The following SPATA20 variants were observed in gnomAD, a reference collection of about 807,000 sequenced individuals.
SPATA20 encodes the protein spermatogenesis associated 20.
A neutral mutation model predicts 98.9 loss-of-function variants in SPATA20; 74 were observed. That is an observed-to-expected ratio of 0.75 (90% CI 0.62 to 0.91). SPATA20 has a LOEUF of 0.91. Among genes scored for constraint, SPATA20 ranks in the 40% least tolerant of loss-of-function variants. The probability of loss-of-function intolerance (pLI) is 0.00; values close to 1 mark genes in which losing one functional copy is unlikely to be tolerated. For missense variants in SPATA20, 1,016 were observed against 1,069.8 expected, an observed-to-expected ratio of 0.95 and a Z score of 0.70; for synonymous variants, 430 against 440.5, an observed-to-expected ratio of 0.98 and a Z score of 0.30.
intron 14 of SPATA20, among the ~76,000 whole-genome samples, chr17:50,553,559 CTTT>C (rs553958151): frequency 7.1e-6 from 1 of 141,236 alleles, no homozygotes. Context: ...CGGAAGCCGT[CTTT>C]TTTTTTTTTT....
chr17:50,552,464 C>A (rs1429804139), intron 14 of SPATA20, among the ~76,000 whole-genome samples: 1 of 143,278 alleles, frequency 7.0e-6, no homozygotes, highest in Non-Finnish European at 1.5e-5. Context: ...CTACACTCAG[C>A]GTGTTTTGTT....
intron 2 of SPATA20, 32 bp downstream of exon 2, chr17:50,547,799 G>C (rs1311686580): frequency 1.2e-6 from 1 of 807,238 alleles, no homozygotes; most frequent in Non-Finnish European, 2.3e-6. Flanking sequence ...CCCCATGTCT[G>C]GTTTCCTCTG....
chr17:50,550,861 C>T lies in SPATA20; in HGVS notation c.1327C>T (p.Gln443Ter), dbSNP rs2035001627. ...TGCCACCGAGCCGCTGACCTCAGGC[C>T]AGCTCCTCATGAAGCACTACGGCCT... is the stretch of plus-strand genomic sequence containing the variant. The part of the protein sequence containing the change: ...LGATEPLTSG[Q>*]LLMKHYGLTE... Residue 443 changes from glutamine to a stop codon, truncating the protein, a stop_gained, in exon 11 of 17, where the codon CAG becomes TAG. Transcript: ENST00000006658. LOFTEE classifies it high-confidence loss of function. 1.2e-6 allele frequency: 2 copies of T among 1,613,116 alleles called. No individual in the cohort carries two copies. The highest frequency in any genetic ancestry group is 8.5e-7 in the Non-Finnish European group (1 of 1,180,030).
At chr17:50,551,342 C>A in intron 12 of SPATA20, 152 bp downstream of exon 12, 1 of 1,159,874 alleles carries the variant, frequency 8.6e-7, no homozygotes. Context: ...AGTAACCCGC[C>A]CAAGGTCACG....
At position 50,551,999 on chromosome 17, in the gene SPATA20, C is replaced by T; in HGVS notation, c.1776C>T (p.Asp592=). ...CACCCTGCTGGGGCTTCCTGGAGGACTACGCCTTCGTGGTGCGGGGCCTGC... is the reference window on the plus strand; with the variant it reads ...CACCCTGCTGGGGCTTCCTGGAGGATTACGCCTTCGTGGTGCGGGGCCTGC... The part of the protein sequence containing the change: ...SNPPCWGFLE[D]YAFVVRGLLD... Residue 592 remains aspartate, a synonymous_variant, in exon 14 of 17, where the codon GAC becomes GAT. Coordinates refer to ENST00000006658, the MANE Select transcript of SPATA20 (RefSeq NM_022827.4). 6.2e-7 allele frequency: 1 copy of T among 1,610,718 alleles called. No homozygotes were observed. The highest frequency in any genetic ancestry group is 8.5e-7 in the Non-Finnish European group (1 of 1,178,576).
chr17:50,553,523 A>T (rs1346900392), intron 14 of SPATA20, among the ~76,000 whole-genome samples: 1 of 149,970 alleles, frequency 6.7e-6, no homozygotes, highest in East Asian at 2.0e-4. Context: ...GAGGGCACCG[A>T]GGAGAATGCT....
Position 50,551,147 on chromosome 17 carries a change from G to T in SPATA20, c.1533G>T (p.Arg511=). 6.3e-7 allele frequency: 1 copy of T among 1,578,134 alleles called. No individual in the cohort carries two copies. The highest frequency in any genetic ancestry group is 1.2e-5 in the South Asian group (1 of 82,606). ...LEKLFQARKH[R]PKPHLDSKML... Reference sequence around the variant, plus strand: ...AGCTCTTCCAGGCCCGGAAGCATCGGCCCAAGCCGCACCTGGACAGCAAGA... The same window carrying T: ...AGCTCTTCCAGGCCCGGAAGCATCGTCCCAAGCCGCACCTGGACAGCAAGA... The change falls in exon 12 of 17, where the codon CGG becomes CGT. Residue 511 remains arginine (R), a synonymous_variant. Transcript: ENST00000006658.
In SPATA20 at chr17:50,550,323, AC is replaced by A; in HGVS notation, c.1098+15del. The A allele has an allele frequency of 6.4e-7, 1 of 1,564,310 alleles. No individual in the cohort carries two copies. The highest frequency in any genetic ancestry group is 8.7e-7 in the Non-Finnish European group (1 of 1,149,542). On this transcript the variant is annotated intron_variant, in intron 9 of 16. Coordinates refer to ENST00000006658, the MANE Select transcript of SPATA20 (RefSeq NM_022827.4). ...TCGCAGGCCTTCCAGGTGACCCCTG[AC>A]CCCAGCCCAGAGAACAGGCATCTCA...
At chr17:50,551,776 C>T (rs2035020890) in intron 13 of SPATA20, 97 bp downstream of exon 13, 1 of 1,390,066 alleles carries the variant, frequency 7.2e-7, no homozygotes, top group Non-Finnish European at 9.7e-7. Flanking sequence ...CCAGTCCTGG[C>T]TCTGCCAGGT....
chr17:50,554,437 A>G lies in SPATA20; in HGVS notation c.2144A>G (p.Gln715Arg), dbSNP rs377097756. 10 of 1,611,644 alleles carry G rather than the reference A, an allele frequency of 6.2e-6. No individual in the cohort carries two copies. In the East Asian group the frequency reaches 2.2e-4, roughly 36 times the overall value. The change falls in exon 15 of 17, where the codon CAG (glutamine) becomes CGG (arginine). Residue 715 changes from glutamine to arginine, a missense_variant. Coordinates refer to ENST00000006658, the MANE Select transcript of SPATA20 (RefSeq NM_022827.4). ...GTCCGCGCCCTCTCAGCCCAGCAGC[A>G]GACCCTCAAGCAGGTGGGGGGTGAG... Reference protein sequence around the residue: ...EMVRALSAQQQTLKQIVICGD... With the variant: ...EMVRALSAQQRTLKQIVICGD...
Position 50,555,798 on chromosome 17 carries a change from G to GC in SPATA20, c.*142dup, listed in dbSNP as rs1412238219. The GC allele has an allele frequency of 5.6e-6, 4 of 711,130 alleles. No individual in the cohort carries two copies. Among genetic ancestry groups the GC allele is most frequent in the Non-Finnish European group, 6.8e-6 (3 of 441,288 alleles). 44.1% of individuals were successfully genotyped at this position (711,130 alleles called of 1,614,324 possible). A position where few individuals can be genotyped will look rare whatever the true frequency, so the allele number is the denominator to read the frequency against. On this transcript the variant is annotated 3_prime_UTR_variant, in exon 17 of 17. Coordinates refer to ENST00000006658, the MANE Select transcript of SPATA20 (RefSeq NM_022827.4). The stretch of plus-strand genomic sequence containing the variant: ...CCAGGTGACCTCGGCCATACTCACT[G>GC]CCCCCCTTGGGCACCCACTCACCCT...
At position 50,554,411 on chromosome 17, in the gene SPATA20, G is replaced by C; in HGVS notation, c.2118G>C (p.Met706Ile). Residue 706 changes from methionine to isoleucine, a missense_variant, in exon 15 of 17, where the codon ATG (methionine) becomes ATC (isoleucine). By Grantham distance (10) the Met-to-Ile change is conservative (BLOSUM62 1). Transcript: ENST00000006658. ...GTGTCCCGGTGGCGTTGCCCGAGAT[G>C]GTCCGCGCCCTCTCAGCCCAGCAGC... Reference protein sequence around the residue: ...MRRVPVALPEMVRALSAQQQT... With the variant: ...MRRVPVALPEIVRALSAQQQT... The C allele has an allele frequency of 6.2e-7, 1 of 1,613,520 alleles. No individual in the cohort carries two copies.
chr17:50,552,204 C>T (rs531343979), intron 14 of SPATA20, 24 bp downstream of exon 14: 1 of 1,604,832 alleles, frequency 6.2e-7, no homozygotes, highest in Non-Finnish European at 8.5e-7. Context: ...CAGGGCTAGT[C>T]TGGGGTCCTG....
intron 4 of SPATA20, 83 bp downstream of exon 4, chr17:50,548,701 C>T: frequency 2.5e-6 from 4 of 1,587,166 alleles, no homozygotes; most frequent in Non-Finnish European, 3.4e-6. Flanking sequence ...CCTGGCGGGT[C>T]TTCCAGGAGA....
chr17:50,550,097 C>T lies in SPATA20; in HGVS notation c.975C>T (p.Ile325=). 1 of 1,612,834 alleles carries T rather than the reference C, an allele frequency of 6.2e-7. No individual in the cohort carries two copies. The highest frequency in any genetic ancestry group is 8.5e-7 in the Non-Finnish European group (1 of 1,179,542). The change falls in exon 8 of 17, where the codon ATC becomes ATT. Residue 325 remains isoleucine (I), a synonymous_variant. Transcript: ENST00000006658. ...HTLKMMANGG[I]RDHVGQGFHR... ...TGAAAATGATGGCTAACGGGGGCAT[C>T]CGGGACCATGTGGGGCAGGTGACGG...
In SPATA20 at chr17:50,551,639, C is replaced by G. The variant is rs150357045; in HGVS notation, c.1705C>G (p.Arg569Gly). Reference protein sequence around the residue: ...MFDVASGRLMRTCYTGPGGTV... With the variant: ...MFDVASGRLMGTCYTGPGGTV... ...TGATGTGGCCAGTGGCCGCCTGATGCGGACCTGCTACACCGGCCCTGGGGG... is the reference window on the plus strand; with the variant it reads ...TGATGTGGCCAGTGGCCGCCTGATGGGGACCTGCTACACCGGCCCTGGGGG... The change falls in exon 13 of 17, where the codon CGG becomes GGG. Residue 569 changes from arginine to glycine, a missense_variant. Arg to Gly is a moderately radical substitution (Grantham distance 125). Transcript: ENST00000006658. The G allele has an allele frequency of 9.0e-5, 144 of 1,599,308 alleles. No individual in the cohort carries two copies. Among genetic ancestry groups the G allele is most frequent in the Non-Finnish European group, 1.2e-4 (138 of 1,168,358 alleles).
chr17:50,550,589 G>T lies in SPATA20; in HGVS notation c.1152G>T (p.Val384=). ...SDVAKGILQY[V]ARSLSHRSGG... ...TGGCCAAAGGCATCCTGCAGTACGT[G>T]GCTCGGAGCCTGAGCCACCGGGTGT... is the stretch of plus-strand genomic sequence containing the variant. The change falls in exon 10 of 17, where the codon GTG becomes GTT. Residue 384 remains valine (V), a synonymous_variant. Coordinates refer to ENST00000006658, the MANE Select transcript of SPATA20 (RefSeq NM_022827.4). 6.2e-7 allele frequency: 1 copy of T among 1,614,148 alleles called. No individual in the cohort carries two copies. Among genetic ancestry groups the T allele is most frequent in the Non-Finnish European group, 8.5e-7 (1 of 1,180,034 alleles).
rs759392480 is a variant in SPATA20 at position 50,551,582 on chromosome 17, A to G, written c.1648A>G (p.Asn550Asp). The change falls in exon 13 of 17, where the codon AAT (asparagine) becomes GAT (aspartate). Residue 550 changes from asparagine to aspartate, a missense_variant. By Grantham distance (23) the Asn-to-Asp change is conservative (BLOSUM62 1). Coordinates refer to ENST00000006658, the MANE Select transcript of SPATA20 (RefSeq NM_022827.4). ...GQDRLINYAT[N>D]GAKFLKRHMF... Reference sequence around the variant, plus strand: ...AGACAGGCTGATCAACTATGCCACCAATGGTGCCAAGTTCCTGAAGCGGCA... The same window carrying G: ...AGACAGGCTGATCAACTATGCCACCGATGGTGCCAAGTTCCTGAAGCGGCA... 8.7e-6 allele frequency: 14 copies of G among 1,607,894 alleles called. 1 individual carries two copies. In the South Asian group the frequency reaches 1.5e-4, roughly 18 times the overall value.
intron 4 of SPATA20, 32 bp downstream of exon 4, chr17:50,548,650 G>A (rs374229028): frequency 6.2e-7 from 1 of 1,608,684 alleles, no homozygotes; most frequent in Non-Finnish European, 8.5e-7. Context: ...ATGTGGGGGT[G>A]TGGGCAGGGA....
Sources: allele counts gnomAD v4.1 joint callset (sites outside exome capture counted in the v4.1 genomes callset), GRCh38; gene constraint gnomAD v4.1.1; transcripts MANE v1.5; gene names NCBI Gene and HGNC (gene_info 2026-07-23, HGNC 2026-07-21).